MYO9A: variants seen among roughly 807,000 people sequenced by gnomAD.
MYO9A encodes myosin IXA, also known as unconventional myosin-IXa.
MYO9A carries 103 observed loss-of-function variants against 293.3 expected under a neutral mutation model. That is an observed-to-expected ratio of 0.35 (90% confidence interval 0.30 to 0.41). The LOEUF is 0.41. Among genes scored for constraint, MYO9A ranks in the 10% least tolerant of loss-of-function variants. MYO9A has a pLI of 1.00. For missense variants in MYO9A, 2,685 were observed against 3,033.0 expected (o/e 0.89, Z 2.69); for synonymous variants, 1,001 against 1,035.7 (o/e 0.97, Z 0.64).
intron 32 of MYO9A, among the ~76,000 whole-genome samples, chr15:71,864,964 C>G (rs1178907297): frequency 1.3e-5 from 2 of 152,098 alleles, no homozygotes; most frequent in Non-Finnish European, 2.9e-5. Context: ...GTAAATTTAC[C>G]TCCAGAAAGC....
rs532139364 is a variant in MYO9A, at chr15:71,951,880, C to T, written c.2199G>A (p.Ala733=). ...IHRKTGHDDT[A]PCAILKSMDS... is the part of the protein sequence containing the mutation. ...CCATACTTTTCAAAATTGCACATGGCGCTGTATCATCATGTCCTTAGGAAG... is the reference window on the plus strand; with the variant it reads ...CCATACTTTTCAAAATTGCACATGGTGCTGTATCATCATGTCCTTAGGAAG... Residue 733 remains alanine (A), a synonymous_variant, in exon 15 of 42, where the codon GCG becomes GCA. Coordinates refer to ENST00000356056, the MANE Select transcript of MYO9A (RefSeq NM_006901.4). 1.5e-4 allele frequency: 237 copies of T among 1,605,960 alleles called. 1 individual carries two copies. In the Admixed American group the frequency reaches 3.7e-3, roughly 25 times the overall value.
chr15:71,852,492 T>C (rs1254859217), intron 35 of MYO9A: 6 of 261,604 alleles, frequency 2.3e-5, no homozygotes, highest in Non-Finnish European at 4.4e-5. Context: ...GCCTCCGGAG[T>C]AGCTGGGATT....
At chr15:71,953,365 T>A (rs1261769222) in intron 14 of MYO9A, among the ~76,000 whole-genome samples, 1 of 152,200 alleles carries the variant, frequency 6.6e-6, no homozygotes, top group Non-Finnish European at 1.5e-5. Context: ...CTAGTCAGAC[T>A]CCATTCAAAT....
intron 40 of MYO9A, among the ~76,000 whole-genome samples, chr15:71,829,811 G>A (rs956194768): frequency 6.6e-6 from 1 of 151,984 alleles, no homozygotes; most frequent in Admixed American, 6.6e-5. Context: ...TAGATGAATC[G>A]TGACTAAGAC....
chr15:71,903,235 G>A (rs1057284639), intron 21 of MYO9A, among the ~76,000 whole-genome samples, 172 bp from the exon 22 acceptor site: 1 of 152,104 alleles, frequency 6.6e-6, no homozygotes, highest in African/African-American at 2.4e-5. Flanking sequence ...CATAGGAGGT[G>A]GAGAAAGATA....
chr15:71,984,426 C>G (rs971522352), intron 11 of MYO9A, among the ~76,000 whole-genome samples: 2 of 152,048 alleles, frequency 1.3e-5, no homozygotes, highest in Non-Finnish European at 2.9e-5. Flanking sequence ...ATTTAACATG[C>G]CTTGGATTCT....
intron 12 of MYO9A, among the ~76,000 whole-genome samples, chr15:71,970,972 C>A (rs143419933): frequency 0.016 from 2,420 of 151,642 alleles, 72 homozygotes; most frequent in African/African-American, 0.054. Context: ...TCCTGGCTAA[C>A]ACAGTGAAAC....
At chr15:72,068,655 T>G (rs1397999449) in intron 1 of MYO9A, among the ~76,000 whole-genome samples, 1 of 151,902 alleles carries the variant, frequency 6.6e-6, no homozygotes, top group Non-Finnish European at 1.5e-5. Context: ...TTATTTTTAT[T>G]TTTGCAGAGA....
At chr15:71,996,954 G>T (rs1199059520) in intron 9 of MYO9A, among the ~76,000 whole-genome samples, 3 of 151,758 alleles carry the variant, frequency 2.0e-5, no homozygotes, top group African/African-American at 7.3e-5. Context: ...AAAAATGAAA[G>T]GATTTTAAAG....
In MYO9A at chr15:72,118,118, A is replaced by T; in HGVS notation, c.-510T>A. 2.6e-6 allele frequency: 1 copy of T among 382,020 alleles called. No individual in the cohort carries two copies. Among genetic ancestry groups the T allele is most frequent in the Non-Finnish European group, 4.6e-6 (1 of 217,170 alleles). The allele number at this position is 382,020 out of a possible 1,614,324, so 23.7% of individuals were successfully genotyped here. On this transcript the variant is annotated 5_prime_UTR_variant, in exon 1 of 42. Coordinates refer to ENST00000356056, the MANE Select transcript of MYO9A (RefSeq NM_006901.4). ...CGCGCACGCGGCCCCGCCCCGCGCG[A>T]CTCCCCGGCTGCAGGCGAGCAGGCG...
intron 39 of MYO9A, among the ~76,000 whole-genome samples, chr15:71,836,448 G>A (rs184580267): frequency 6.6e-6 from 1 of 152,112 alleles, no homozygotes; most frequent in African/African-American, 2.4e-5. Flanking sequence ...AAGAAAGTTT[G>A]GCATTATCTA....
chr15:71,872,161 T>C lies in MYO9A; in HGVS notation c.5979+3630A>G, dbSNP rs569767728. Among the ~76,000 whole-genome samples the C allele has an allele frequency of 9.9e-5, 15 of 152,078 alleles. No individual in the cohort carries two copies. The South Asian group carries it at 2.1e-3, about 21-fold the overall frequency. On this transcript the variant is annotated intron_variant, in intron 32 of 41. Coordinates refer to ENST00000356056, the MANE Select transcript of MYO9A (RefSeq NM_006901.4). ...TGACACCATTGCCTGTATCAAACCA[T>C]AATGGCACAAAAAGATTGGCAGTCA... is the stretch of plus-strand genomic sequence containing the variant.
chr15:71,981,060 G>A (rs2076258629), intron 11 of MYO9A, among the ~76,000 whole-genome samples: 1 of 151,930 alleles, frequency 6.6e-6, no homozygotes, highest in South Asian at 2.1e-4. Context: ...AGATAACTGT[G>A]TTTTCTCCTT....
In MYO9A at chr15:71,826,238, C is replaced by T; in HGVS notation, c.*342G>A. On this transcript the variant is annotated 3_prime_UTR_variant, in exon 42 of 42. Coordinates refer to ENST00000356056, the MANE Select transcript of MYO9A (RefSeq NM_006901.4). ...TCAGAAATGAGAGGGTCCCTCAGGA[C>T]AGCAATATCCCCCCTAGTTCAACAC... 4.5e-6 allele frequency: 1 copy of T among 221,144 alleles called. No individual in the cohort carries two copies. Among genetic ancestry groups the T allele is most frequent in the Non-Finnish European group, 8.9e-6 (1 of 112,588 alleles). 13.7% of individuals were successfully genotyped at this position (221,144 alleles called of 1,614,324 possible). A position where few individuals can be genotyped will look rare whatever the true frequency, so the allele number is the denominator to read the frequency against.
chr15:71,857,682 GAC>G (rs1005309171), intron 34 of MYO9A, among the ~76,000 whole-genome samples: 3 of 150,114 alleles, frequency 2.0e-5, no homozygotes, highest in African/African-American at 7.5e-5. Context: ...TGTTTGTATC[GAC>G]AGTTTTTTTT....
chr15:72,089,685 G>A (rs2079846189), intron 1 of MYO9A, among the ~76,000 whole-genome samples: 1 of 152,138 alleles, frequency 6.6e-6, no homozygotes, highest in African/African-American at 2.4e-5. Context: ...GGAGGCTGAG[G>A]TGAGAGGAAA....
chr15:71,975,182 T>A (rs750506381), intron 12 of MYO9A, among the ~76,000 whole-genome samples: 5 of 152,214 alleles, frequency 3.3e-5, no homozygotes, highest in Non-Finnish European at 7.3e-5. Flanking sequence ...TGAACTGGAC[T>A]AATTACTAAT....
chr15:71,912,782 C>T (rs2057898806), intron 19 of MYO9A, among the ~76,000 whole-genome samples: 1 of 152,070 alleles, frequency 6.6e-6, no homozygotes, highest in Admixed American at 6.5e-5. Flanking sequence ...ACATAGAATT[C>T]TAGGGTGACT....
Position 71,901,245 on chromosome 15 carries a change from G to C in MYO9A, c.3096C>G (p.Val1032=), listed in dbSNP as rs535464204. The C allele has an allele frequency of 2.0e-5, 33 of 1,613,974 alleles. 1 individual carries two copies. The Admixed American group carries it at 5.3e-4, about 26-fold the overall frequency. The change falls in exon 23 of 42, where the codon GTC becomes GTG. Residue 1032 remains valine (V), a synonymous_variant. Coordinates refer to ENST00000356056, the MANE Select transcript of MYO9A (RefSeq NM_006901.4). ...RIILLQRWFR[V]LLCRQHFLHL... ...GGAGGAAATGCTGCCTACACAGCAA[G>C]ACCCTGAACCATCGCTGCAACAATA...
Sources: gnomAD v4.1 joint callset for allele counts (sites outside exome capture counted in the v4.1 genomes callset) on GRCh38, gnomAD v4.1.1 for gene constraint, MANE v1.5 for transcripts, NCBI Gene and HGNC (gene_info 2026-07-23, HGNC 2026-07-21) for gene names.